Variants in SLC22A23 observed in about 807,000 individuals in gnomAD.
SLC22A23 encodes ion transporter protein.
SLC22A23 carries 26 observed loss-of-function variants against 61.0 expected under a neutral mutation model. That is an observed-to-expected ratio of 0.43 (90% CI 0.31 to 0.59). The LOEUF (loss-of-function observed/expected upper bound fraction) is 0.59, where lower values mean the gene tolerates loss of function less well. Among genes scored for constraint, SLC22A23 ranks in the 20% least tolerant of loss-of-function variants. The pLI is 0.11. For missense variants in SLC22A23, 796 were observed against 934.7 expected, an observed-to-expected ratio of 0.85 and a Z score of 1.94; for synonymous variants, 430 against 413.9, an observed-to-expected ratio of 1.04 and a Z score of -0.47.
chr6:3,456,421 C>A lies in SLC22A23; in HGVS notation c.139G>T (p.Gly47Cys). ...GGGGGCAGCGGCTGGATCTCCGCGC[C>A]GCCGCCGGGGCCCGCGCGTCCCCCG... ...PLGGRAGPGG[G>C]AEIQPLPPLH... The change falls in exon 1 of 10, where the codon GGC becomes TGC. Residue 47 changes from glycine (G) to cysteine (C), a missense_variant. By Grantham distance (159) the Gly-to-Cys change is radical. Transcript: ENST00000406686. This position sits in a 1 kb window ranked among gnomAD's most constrained non-coding sequence, Gnocchi z 7.1. 1 of 1,366,048 alleles carries A rather than the reference C, an allele frequency of 7.3e-7. No individual in the cohort carries two copies. Among genetic ancestry groups the A allele is most frequent in the Non-Finnish European group, 9.4e-7 (1 of 1,058,774 alleles). The allele number at this position is 1,366,048 out of a possible 1,614,324, so 84.6% of individuals were successfully genotyped here.
intron 1 of SLC22A23, among the ~76,000 whole-genome samples, chr6:3,443,341 C>G (rs1771714571): frequency 6.6e-6 from 1 of 152,122 alleles, no homozygotes; most frequent in African/African-American, 2.4e-5. Context: ...TGTGTGAAGG[C>G]AGGGGTGGGA....
chr6:3,276,248 G>A (rs1758893886), intron 9 of SLC22A23, among the ~76,000 whole-genome samples: 1 of 152,194 alleles, frequency 6.6e-6, no homozygotes, highest in Admixed American at 6.5e-5. Flanking sequence ...TCCACCATGG[G>A]CACAGGGCTT....
intron 4 of SLC22A23, among the ~76,000 whole-genome samples, chr6:3,319,508 A>G (rs9689128): frequency 0.15 from 22,919 of 152,124 alleles, 2,757 homozygotes; most frequent in African/African-American, 0.31. Flanking sequence ...CTGCCCCACA[A>G]TGTGCTTTCA....
At chr6:3,296,178 T>G (rs1761071818) in intron 5 of SLC22A23, among the ~76,000 whole-genome samples, 1 of 152,192 alleles carries the variant, frequency 6.6e-6, no homozygotes, top group South Asian at 2.1e-4. Flanking sequence ...TCTGGGGAAA[T>G]CTGGGAAAGC....
Position 3,329,963 on chromosome 6 carries a change from C to T in SLC22A23, c.914-5961G>A, listed in dbSNP as rs565798408. 2.1e-4 allele frequency among the ~76,000 whole-genome samples: 32 copies of T among 152,348 alleles called. No homozygotes were observed. The highest frequency in any genetic ancestry group is 7.2e-4 in the Admixed American group (11 of 15,310). On this transcript the variant is annotated intron_variant, in intron 3 of 9. Transcript: ENST00000406686. This position sits in a 1 kb window ranked among gnomAD's most constrained non-coding sequence, Gnocchi z 4.8. ...CAATTCCTGGAACAGGCCTGCGGAACGAGAAATCCTTCCAGAGGCCACTGC... is the reference window on the plus strand; with the variant it reads ...CAATTCCTGGAACAGGCCTGCGGAATGAGAAATCCTTCCAGAGGCCACTGC...
intron 3 of SLC22A23, among the ~76,000 whole-genome samples, chr6:3,351,816 G>A (rs1369982634): frequency 6.6e-6 from 1 of 152,190 alleles, no homozygotes; most frequent in Non-Finnish European, 1.5e-5. Context: ...GGAAACCCAG[G>A]TTTCTAATGC....
At chr6:3,402,893 G>A (rs1768528637) in intron 3 of SLC22A23, among the ~76,000 whole-genome samples, 1 of 152,246 alleles carries the variant, frequency 6.6e-6, no homozygotes, top group Non-Finnish European at 1.5e-5. Context: ...GTCCTCACAT[G>A]TTCATGGAGC....
At chr6:3,299,998 CTTT>C (rs869114176) in intron 4 of SLC22A23, among the ~76,000 whole-genome samples, 23 of 78,786 alleles carry the variant, frequency 2.9e-4, no homozygotes, top group East Asian at 1.1e-3. Context: ...TCAGGATAGA[CTTT>C]TTTTTTTTTT....
At chr6:3,289,651 C>T in intron 6 of SLC22A23, 113 bp downstream of exon 6, 1 of 830,688 alleles carries the variant, frequency 1.2e-6, no homozygotes, top group Non-Finnish European at 1.9e-6. Flanking sequence ...CACACACACA[C>T]CCTTAGGATT....
chr6:3,293,594 T>C (rs1201133394), intron 5 of SLC22A23, among the ~76,000 whole-genome samples: 4 of 152,252 alleles, frequency 2.6e-5, no homozygotes, highest in African/African-American at 9.6e-5. Flanking sequence ...ATCTCTGTCC[T>C]CGTCTGCCCA....
chr6:3,319,430 T>TG (rs1762822708), intron 4 of SLC22A23, among the ~76,000 whole-genome samples: 1 of 152,180 alleles, frequency 6.6e-6, no homozygotes. Flanking sequence ...CCACCCTACT[T>TG]GGTACGTAGC....
At chr6:3,343,670 A>C (rs73720533) in intron 3 of SLC22A23, among the ~76,000 whole-genome samples, 3,938 of 152,330 alleles carry the variant, frequency 0.026, 169 homozygotes, top group African/African-American at 0.09. Flanking sequence ...AAATGTCGAA[A>C]GACCCTAGGT....
At chr6:3,394,269 C>T (rs979363491) in intron 3 of SLC22A23, among the ~76,000 whole-genome samples, 4 of 152,104 alleles carry the variant, frequency 2.6e-5, no homozygotes, top group African/African-American at 9.7e-5. Context: ...CCGTGTATCA[C>T]AGAGTCATCA....
intron 3 of SLC22A23, among the ~76,000 whole-genome samples, chr6:3,348,920 T>C (rs936212022): frequency 3.1e-4 from 47 of 152,358 alleles, no homozygotes; most frequent in Admixed American, 2.2e-3. Context: ...CAACTGGTAC[T>C]GTCTTCCCTT....
intron 6 of SLC22A23, among the ~76,000 whole-genome samples, chr6:3,289,060 C>G (rs544477684): frequency 7.2e-5 from 11 of 152,370 alleles, no homozygotes; most frequent in Admixed American, 2.6e-4. Context: ...TGACCTCTAA[C>G]CCAAATGAGT....
At chr6:3,401,110 G>A (rs9501999) in intron 3 of SLC22A23, among the ~76,000 whole-genome samples, 1 of 152,272 alleles carries the variant, frequency 6.6e-6, no homozygotes, top group African/African-American at 2.4e-5. Flanking sequence ...GGGAGGCCGA[G>A]GTGGGTGGAT....
intron 3 of SLC22A23, among the ~76,000 whole-genome samples, chr6:3,354,658 AAG>A (rs1436446991): frequency 6.6e-6 from 1 of 152,232 alleles, no homozygotes; most frequent in East Asian, 1.9e-4. Context: ...ATGTCCCAGT[AAG>A]AGTGTTAGGG....
intron 6 of SLC22A23, among the ~76,000 whole-genome samples, chr6:3,287,684 T>TG (rs1554134162): frequency 1.7e-4 from 24 of 140,814 alleles, no homozygotes; most frequent in South Asian, 2.3e-4. Flanking sequence ...TGTTTTTTTT[T>TG]TTGTTTTGTT....
chr6:3,365,590 T>C (rs1765757213), intron 3 of SLC22A23, among the ~76,000 whole-genome samples: 1 of 152,158 alleles, frequency 6.6e-6, no homozygotes. Flanking sequence ...CTCTATTTCA[T>C]AGTGTTTCTG....
Sources: gnomAD v4.1 joint callset for allele counts (sites outside exome capture counted in the v4.1 genomes callset) on GRCh38, gnomAD v4.1.1 for gene constraint, Gnocchi (gnomAD v3.1) non-coding constraint, MANE v1.5 for transcripts, NCBI Gene and HGNC (gene_info 2026-07-23, HGNC 2026-07-21) for gene names.